The following GGT1 variants were observed in gnomAD, a reference collection of about 807,000 sequenced individuals.
The protein encoded by GGT1 is glutathione hydrolase 1 proenzyme.
In GGT1, 21 loss-of-function variants were observed where a neutral mutation model predicts 56.0. The ratio of observed to expected loss-of-function variants is 0.38; its 90% CI spans 0.27 to 0.54. The LOEUF is 0.54. Among genes scored for constraint, GGT1 ranks in the 20% least tolerant of loss-of-function variants. GGT1 has a pLI of 0.82. For synonymous variants in GGT1, 238 were observed against 342.6 expected (o/e 0.69, Z 3.37); for missense variants, 466 against 787.0 (o/e 0.59, Z 4.88).
chr22:24,608,159 T>A (rs1340682989), intron 2 of GGT1, 136 bp downstream of exon 2: 1 of 330,918 alleles, frequency 3.0e-6, no homozygotes, highest in African/African-American at 2.3e-5. Flanking sequence ...CCTCTGGGCT[T>A]GGACATTCTT....
At chr22:24,586,540 G>A in the GGT1 span, 106 of 1,054,766 alleles carry the variant, frequency 1.0e-4, no homozygotes, top group South Asian at 1.4e-3. Flanking sequence ...TGTGTCTTTC[G>A]TATTTTTTGA....
At chr22:24,612,295 T>A (rs1439963645) in intron 5 of GGT1, among the ~76,000 whole-genome samples, 14 of 149,884 alleles carry the variant, frequency 9.3e-5, no homozygotes, top group South Asian at 6.3e-4. Flanking sequence ...TCTTTCTTTT[T>A]TTTTATTTTA....
upstream of GGT1, among the ~76,000 whole-genome samples, chr22:24,601,875 C>G (rs147214993): frequency 6.6e-6 from 1 of 152,354 alleles, no homozygotes; most frequent in African/African-American, 2.4e-5. Context: ...GCTCAGCCAG[C>G]CTCTACCTAG....
chr22:24,619,047 A>G (rs2047244935), intron 7 of GGT1, among the ~76,000 whole-genome samples: 1 of 152,108 alleles, frequency 6.6e-6, no homozygotes, highest in Admixed American at 6.5e-5. Context: ...GCTTGAGGCC[A>G]GAGTTTGAGA....
intron 5 of GGT1, 147 bp downstream of exon 5, chr22:24,611,392 C>T (rs192964359): frequency 7.0e-5 from 46 of 653,012 alleles, no homozygotes; most frequent in South Asian, 5.3e-4. Flanking sequence ...ACAGTGACTC[C>T]GAGAGCAGGG....
upstream of GGT1, among the ~76,000 whole-genome samples, chr22:24,591,357 GC>G (rs1243876336): frequency 6.6e-6 from 1 of 152,256 alleles, no homozygotes; most frequent in East Asian, 1.9e-4. Flanking sequence ...GGGATTATAG[GC>G]GTGAGCCACT....
the GGT1 span, chr22:24,589,205 G>T: frequency 2.4e-6 from 3 of 1,244,440 alleles, no homozygotes; most frequent in Non-Finnish European, 3.1e-6. Flanking sequence ...CACATCCTGG[G>T]GCTGTGTCGA....
At chr22:24,612,385 T>C (rs2046769002) in intron 5 of GGT1, among the ~76,000 whole-genome samples, 1 of 151,420 alleles carries the variant, frequency 6.6e-6, no homozygotes, top group Non-Finnish European at 1.5e-5. Context: ...TATGTACACA[T>C]GTGCCATGTT....
At chr22:24,604,942 G>A (rs887687786) in intron 1 of GGT1, among the ~76,000 whole-genome samples, 4 of 140,404 alleles carry the variant, frequency 2.8e-5, no homozygotes, top group Non-Finnish European at 6.0e-5. Flanking sequence ...TTTCCTTTTG[G>A]GGTCAGCTGC....
chr22:24,599,620 G>A (rs1222408073), upstream of GGT1, among the ~76,000 whole-genome samples: 4 of 152,170 alleles, frequency 2.6e-5, no homozygotes, highest in Admixed American at 6.5e-5. Context: ...GACAGGCCCA[G>A]TGAGGATGCA....
intron 5 of GGT1, among the ~76,000 whole-genome samples, chr22:24,612,984 C>T (rs754680347): frequency 4.6e-5 from 7 of 152,104 alleles, no homozygotes; most frequent in Non-Finnish European, 8.8e-5. Context: ...AGCCATGGTG[C>T]CTGGCTTCTA....
intron 2 of GGT1, among the ~76,000 whole-genome samples, chr22:24,608,356 G>A (rs2046450274): frequency 6.6e-6 from 1 of 152,230 alleles, no homozygotes; most frequent in South Asian, 2.1e-4. Flanking sequence ...AGCAGTCTGA[G>A]CCTGGCTGGG....
chr22:24,607,858 G>C (rs1388072951), intron 1 of GGT1, 96 bp from the exon 2 acceptor site: 1 of 393,704 alleles, frequency 2.5e-6, no homozygotes, highest in Non-Finnish European at 5.3e-6. Flanking sequence ...GGGGCCACAG[G>C]CGTGGCTCTG....
chr22:24,588,560 G>C, the GGT1 span: 6 of 808,370 alleles, frequency 7.4e-6, no homozygotes, highest in South Asian at 1.2e-4. Flanking sequence ...CAGTCCCGCA[G>C]TGCCCGGCGG....
At chr22:24,588,138 GTGAGAGTGCAGGTGTCAACC>G in the GGT1 span, 1 of 1,145,154 alleles carries the variant, frequency 8.7e-7, no homozygotes, top group Non-Finnish European at 1.3e-6. Context: ...CAGCCTCTTG[GTGAGAGTGCAGGTGTCAACC>G]TGAGAAGGGA....
chr22:24,612,111 G>A (rs2046743813), intron 5 of GGT1, among the ~76,000 whole-genome samples: 1 of 151,500 alleles, frequency 6.6e-6, no homozygotes, highest in South Asian at 2.1e-4. Context: ...GCCTAATTAT[G>A]GTGTTTTTAG....
In GGT1 at chr22:24,607,958, T is replaced by G. The variant is rs1601666928; in HGVS notation, c.-424T>G. 2.1e-6 allele frequency: 1 copy of G among 467,526 alleles called. No homozygotes were observed. The highest frequency in any genetic ancestry group is 4.4e-6 in the Non-Finnish European group (1 of 226,180). The allele number at this position is 467,526 out of a possible 1,614,324, so 29.0% of individuals were successfully genotyped here. A position where few individuals can be genotyped will look rare whatever the true frequency, so the allele number is the denominator to read the frequency against. On this transcript the variant is annotated 5_prime_UTR_variant, in exon 2 of 16. Transcript: ENST00000400382. ...AGTCTGTCTCTTCCTCCCCAGCGGG[T>G]GCAGCCCAGAACTGTCTTCTGAGGA... is the stretch of plus-strand genomic sequence containing the variant.
At chr22:24,592,722 G>C, upstream of GGT1, 1 of 1,292,228 alleles carries the variant, frequency 7.7e-7, no homozygotes, top group South Asian at 1.6e-5. Flanking sequence ...CTCGGAACCC[G>C]CCTGCGCGCG....
chr22:24,613,758 AAAAAG>A (rs1473416669), intron 5 of GGT1, among the ~76,000 whole-genome samples: 1 of 149,540 alleles, frequency 6.7e-6, no homozygotes, highest in Non-Finnish European at 1.5e-5. Context: ...TCAGAAAAAA[AAAAAG>A]AAAGAAAAGA....
Sources: allele counts gnomAD v4.1 joint callset (sites outside exome capture counted in the v4.1 genomes callset), GRCh38; gene constraint gnomAD v4.1.1; transcripts MANE v1.5; gene names NCBI Gene and HGNC (gene_info 2026-07-23, HGNC 2026-07-21).